The following TSNARE1 variants were observed in gnomAD, a reference collection of about 807,000 sequenced individuals.
The protein encoded by TSNARE1 is t-SNARE domain-containing protein 1.
A neutral mutation model predicts 62.0 loss-of-function variants in TSNARE1; 49 were observed. That is an observed-to-expected ratio of 0.79 (90% CI 0.63 to 1.00). The LOEUF is 1.00. TSNARE1 is among the 50% of genes least tolerant of loss of function. The probability of loss-of-function intolerance (pLI) is 0.00; values close to 1 mark genes in which losing one functional copy is unlikely to be tolerated. For missense variants in TSNARE1, 755 were observed against 700.1 expected (o/e 1.08, Z -0.88); for synonymous variants, 328 against 294.4 (o/e 1.11, Z -1.17).
At chr8:142,335,722 G>A (rs777484608) in intron 4 of TSNARE1, among the ~76,000 whole-genome samples, 1 of 152,176 alleles carries the variant, frequency 6.6e-6, no homozygotes, top group Non-Finnish European at 1.5e-5. Flanking sequence ...TGCATGAGCC[G>A]AAGACGGCTC....
At chr8:142,268,499 GC>G (rs1819256591) in intron 12 of TSNARE1, among the ~76,000 whole-genome samples, 2 of 152,338 alleles carry the variant, frequency 1.3e-5, no homozygotes, top group African/African-American at 4.8e-5. Context: ...CTGCAGGGAA[GC>G]CCCCGACACT....
intron 12 of TSNARE1, among the ~76,000 whole-genome samples, chr8:142,266,900 T>C (rs548349164): frequency 4.1e-4 from 62 of 152,368 alleles, no homozygotes; most frequent in African/African-American, 1.4e-3. Context: ...ACATTATTTC[T>C]TTAGAAATCT....
intron 6 of TSNARE1, among the ~76,000 whole-genome samples, chr8:142,328,069 G>A (rs2131941638): frequency 1.3e-5 from 2 of 151,576 alleles, no homozygotes; most frequent in East Asian, 3.9e-4. Flanking sequence ...AGGGGAGCGG[G>A]TCCTCTGTGC....
intron 4 of TSNARE1, among the ~76,000 whole-genome samples, chr8:142,332,126 G>A (rs1473094144): frequency 6.6e-6 from 1 of 152,222 alleles, no homozygotes; most frequent in Non-Finnish European, 1.5e-5. Flanking sequence ...GTGTGTGCCC[G>A]GAAGCTACGA....
intron 9 of TSNARE1, among the ~76,000 whole-genome samples, chr8:142,311,429 G>T (rs1256733672): frequency 6.6e-6 from 1 of 151,188 alleles, no homozygotes. Context: ...TCCCGAGTAG[G>T]TGGAATTACA....
At chr8:142,357,885 G>A (rs1421764521) in intron 1 of TSNARE1, among the ~76,000 whole-genome samples, 2 of 152,228 alleles carry the variant, frequency 1.3e-5, no homozygotes, top group Non-Finnish European at 2.9e-5. Context: ...TTAACCAGAG[G>A]CCACGAAAGC....
intron 1 of TSNARE1, among the ~76,000 whole-genome samples, chr8:142,356,058 AAGCTCTT>A (rs1484779820): frequency 2.0e-5 from 3 of 152,292 alleles, no homozygotes. Flanking sequence ...TTAAATAACA[AAGCTCTT>A]ACTGTGAACA....
chr8:142,245,694 A>T (rs762644911), intron 12 of TSNARE1, among the ~76,000 whole-genome samples: 1 of 152,260 alleles, frequency 6.6e-6, no homozygotes, highest in African/African-American at 2.4e-5. Context: ...TTAAAACTAC[A>T]TAAGAGCAAT....
At chr8:142,339,502 T>C (rs562735877) in intron 4 of TSNARE1, among the ~76,000 whole-genome samples, 45 of 152,178 alleles carry the variant, frequency 3.0e-4, no homozygotes, top group Non-Finnish European at 5.1e-4. Context: ...TCAGAGTGGA[T>C]AGAGCAAATG....
At chr8:142,216,885 G>A (rs1017542876) in intron 13 of TSNARE1, among the ~76,000 whole-genome samples, 7 of 152,192 alleles carry the variant, frequency 4.6e-5, no homozygotes, top group African/African-American at 1.7e-4. Context: ...GGGAACCGGG[G>A]TTTCAGCCCC....
chr8:142,239,737 G>A lies in TSNARE1; in HGVS notation c.1447-10158C>T, dbSNP rs978064706. Among the ~76,000 whole-genome samples, 10 of 152,142 alleles carry A rather than the reference G, an allele frequency of 6.6e-5. No individual in the cohort carries two copies. In the South Asian group the frequency reaches 1.2e-3, roughly 19 times the overall value. ...GAGTCACGTTAAATACGTGGTTAGC[G>A]CCAACTCACCACTTCTGAGGGTGTG... On this transcript the variant is annotated intron_variant, in intron 12 of 13. Coordinates refer to ENST00000524325, the MANE Select transcript of TSNARE1 (RefSeq NM_145003.5).
chr8:142,385,884 T>C (rs1443713083), intron 1 of TSNARE1, among the ~76,000 whole-genome samples: 1 of 152,200 alleles, frequency 6.6e-6, no homozygotes, highest in Non-Finnish European at 1.5e-5. Flanking sequence ...TGGGCCATGT[T>C]CCTACTTGGA....
At chr8:142,223,244 T>TCACTCATTCATC (rs1816555444) in intron 13 of TSNARE1, among the ~76,000 whole-genome samples, 1 of 144,036 alleles carries the variant, frequency 6.9e-6, no homozygotes, top group African/African-American at 2.7e-5. Flanking sequence ...ATTCATCCAC[T>TCACTCATTCATC]CACTCACTCA....
intron 13 of TSNARE1, among the ~76,000 whole-genome samples, chr8:142,224,718 G>A (rs1303001958): frequency 2.1e-5 from 2 of 95,958 alleles, no homozygotes; most frequent in East Asian, 6.1e-4. Flanking sequence ...CAGAGCCAGG[G>A]AGGGGTGCTC....
Position 142,276,117 on chromosome 8 carries a change from C to T in TSNARE1, c.1364-1254G>A, listed in dbSNP as rs191988071. ...AGCCGCAGGCACTCGCAGACACACCCTGATCGCCGCATCTGGGGGCTCCTG... is the reference window on the plus strand; with the variant it reads ...AGCCGCAGGCACTCGCAGACACACCTTGATCGCCGCATCTGGGGGCTCCTG... On this transcript the variant is annotated intron_variant, in intron 11 of 13. Transcript: ENST00000524325. 59 of 985,418 alleles carry T rather than the reference C, an allele frequency of 6.0e-5. No homozygotes were observed. In the African/African-American group the frequency reaches 8.2e-4, roughly 14 times the overall value. The allele number at this position is 985,418 out of a possible 1,614,324, so 61.0% of individuals were successfully genotyped here.
At chr8:142,227,519 C>A (rs1189798731) in intron 13 of TSNARE1, among the ~76,000 whole-genome samples, 4 of 152,000 alleles carry the variant, frequency 2.6e-5, no homozygotes, top group Admixed American at 2.6e-4. Flanking sequence ...ACAGCCAGGC[C>A]CCCCATTCTG....
intron 12 of TSNARE1, among the ~76,000 whole-genome samples, chr8:142,238,060 C>A (rs565574034): frequency 6.6e-6 from 1 of 152,102 alleles, no homozygotes; most frequent in Non-Finnish European, 1.5e-5. Flanking sequence ...GAAGCACATC[C>A]GCTTCACCTA....
chr8:142,245,293 C>T (rs923762749), intron 12 of TSNARE1, among the ~76,000 whole-genome samples: 6 of 152,212 alleles, frequency 3.9e-5, no homozygotes, highest in South Asian at 2.1e-4. Context: ...GAAGCAACTG[C>T]GTCCCTGAGA....
intron 1 of TSNARE1, among the ~76,000 whole-genome samples, chr8:142,360,451 C>T (rs1835070927): frequency 6.6e-6 from 1 of 152,164 alleles, no homozygotes; most frequent in African/African-American, 2.4e-5. Flanking sequence ...GCAGAGGCTG[C>T]CAGGCTGTTT....
Sources: gnomAD v4.1 joint callset for allele counts (sites outside exome capture counted in the v4.1 genomes callset) on GRCh38, gnomAD v4.1.1 for gene constraint, MANE v1.5 for transcripts, NCBI Gene and HGNC (gene_info 2026-07-23, HGNC 2026-07-21) for gene names.